The following PGBD5 variants were observed in gnomAD, a reference collection of about 807,000 sequenced individuals.
PGBD5 encodes piggyBac transposable element derived 5.
A neutral mutation model predicts 47.9 loss-of-function variants in PGBD5; 14 were observed. The observed-to-expected ratio is 0.29, with a 90% CI of 0.19 to 0.46. The LOEUF is 0.46. PGBD5 is among the 20% of genes least tolerant of loss of function. The probability of loss-of-function intolerance (pLI) is 1.00; values close to 1 mark genes in which losing one functional copy is unlikely to be tolerated. For missense variants in PGBD5, 635 were observed against 716.0 expected (o/e 0.89, Z 1.29); for synonymous variants, 316 against 306.3 (o/e 1.03, Z -0.33).
intron 1 of PGBD5, among the ~76,000 whole-genome samples, chr1:230,394,834 A>G (rs1367775994): frequency 3.3e-4 from 31 of 95,286 alleles, no homozygotes; most frequent in Non-Finnish European, 4.8e-4. Context: ...CCTATCCCCG[A>G]GCTCCTCTCT....
intron 3 of PGBD5, among the ~76,000 whole-genome samples, chr1:230,340,548 G>A (rs180845905): frequency 2.5e-4 from 38 of 152,204 alleles, no homozygotes; most frequent in Non-Finnish European, 4.1e-4. Flanking sequence ...GATATGCTGG[G>A]CTTTTAATGT....
At chr1:230,373,450 G>A (rs968462834) in intron 1 of PGBD5, among the ~76,000 whole-genome samples, 1 of 152,200 alleles carries the variant, frequency 6.6e-6, no homozygotes, top group Non-Finnish European at 1.5e-5. Context: ...TGAGGGGGAC[G>A]AGGGTGCCAA....
intron 4 of PGBD5, 69 bp downstream of exon 4, chr1:230,337,039 C>CT: frequency 2.6e-6 from 4 of 1,549,032 alleles, no homozygotes; most frequent in Non-Finnish European, 2.6e-6. Context: ...GCACCCCCAC[C>CT]TGGACCTCTC....
intron 1 of PGBD5, among the ~76,000 whole-genome samples, chr1:230,403,272 T>C (rs1445472892): frequency 6.6e-6 from 1 of 152,198 alleles, no homozygotes; most frequent in Non-Finnish European, 1.5e-5. Flanking sequence ...TAAACCTAAG[T>C]GTGAAATAAA....
intron 1 of PGBD5, among the ~76,000 whole-genome samples, chr1:230,378,371 G>A (rs1035489475): frequency 2.6e-5 from 4 of 152,182 alleles, no homozygotes; most frequent in Non-Finnish European, 4.4e-5. Context: ...GCCTCCTCCC[G>A]TCTTCCATCC....
chr1:230,332,760 G>A lies in PGBD5; in HGVS notation c.1273+84C>T, dbSNP rs1667240969. On this transcript the variant is annotated intron_variant, in intron 5 of 6. Coordinates refer to ENST00000391860, the MANE Select transcript of PGBD5 (RefSeq NM_001258311.2). Reference sequence around the variant, plus strand: ...CAGAGCAGCACAGCCCACAGTGGACGCCACATCCACCGCAGCGGTGGGCTC... The same window carrying A: ...CAGAGCAGCACAGCCCACAGTGGACACCACATCCACCGCAGCGGTGGGCTC... The A allele has an allele frequency of 4.7e-6, 7 of 1,503,552 alleles. 1 individual carries two copies. The highest frequency in any genetic ancestry group is 2.7e-5 in the African/African-American group (2 of 72,992). The allele number at this position is 1,503,552 out of a possible 1,614,324, so 93.1% of individuals were successfully genotyped here. A position where few individuals can be genotyped will look rare whatever the true frequency, so the allele number is the denominator to read the frequency against.
intron 5 of PGBD5, among the ~76,000 whole-genome samples, chr1:230,329,211 A>T (rs1160706096): frequency 6.6e-6 from 1 of 151,988 alleles, no homozygotes; most frequent in African/African-American, 2.4e-5. Flanking sequence ...TGATCCTCCC[A>T]ACTTGGCCTC....
At chr1:230,330,605 C>T (rs897114336) in intron 5 of PGBD5, among the ~76,000 whole-genome samples, 1 of 152,174 alleles carries the variant, frequency 6.6e-6, no homozygotes, top group Admixed American at 6.5e-5. Flanking sequence ...ACTTTACCTT[C>T]CCCCAGGCAA....
At chr1:230,373,139 T>C (rs1667953863) in intron 1 of PGBD5, among the ~76,000 whole-genome samples, 1 of 152,168 alleles carries the variant, frequency 6.6e-6, no homozygotes, top group African/African-American at 2.4e-5. Flanking sequence ...AGGGTTACAA[T>C]TCGTGCATTT....
intron 1 of PGBD5, among the ~76,000 whole-genome samples, chr1:230,400,664 T>C (rs199814809): frequency 1.8e-4 from 26 of 145,868 alleles, no homozygotes; most frequent in Middle Eastern, 7.3e-3. Context: ...TTTTCTTTCT[T>C]AGAAATGTTA....
chr1:230,323,906 G>A lies in PGBD5; in HGVS notation c.1380-286C>T, dbSNP rs924821957. 2.6e-5 allele frequency among the ~76,000 whole-genome samples: 4 copies of A among 152,210 alleles called. No individual in the cohort carries two copies. Among genetic ancestry groups the A allele is most frequent in the South Asian group, 2.1e-4 (1 of 4,826 alleles). ...GTGTGCTGGGGTGGCGCACAGCCCC[G>A]GAGTGGACAGGCGCCTGCCAGCCTC... On this transcript the variant is annotated intron_variant, in intron 6 of 6. Coordinates refer to ENST00000391860, the MANE Select transcript of PGBD5 (RefSeq NM_001258311.2). The surrounding 1 kb of genome is among the most constrained non-coding windows in gnomAD (Gnocchi z 4.1).
At chr1:230,376,034 C>T (rs1469532750) in intron 1 of PGBD5, among the ~76,000 whole-genome samples, 2 of 151,916 alleles carry the variant, frequency 1.3e-5, no homozygotes, top group Non-Finnish European at 2.9e-5. Context: ...CCTACTGTTG[C>T]TGCTGTTGTT....
intron 5 of PGBD5, among the ~76,000 whole-genome samples, chr1:230,330,563 A>G (rs1268867430): frequency 6.6e-6 from 1 of 152,226 alleles, no homozygotes; most frequent in Non-Finnish European, 1.5e-5. Flanking sequence ...TGTGAACCCC[A>G]AAACAGATTT....
chr1:230,366,299 G>A (rs1234976283), intron 1 of PGBD5, among the ~76,000 whole-genome samples: 2 of 152,118 alleles, frequency 1.3e-5, no homozygotes, highest in African/African-American at 4.8e-5. Context: ...ACATAGTGCT[G>A]TCTGTAGGGA....
intron 1 of PGBD5, among the ~76,000 whole-genome samples, chr1:230,371,980 G>A (rs2102718625): frequency 6.6e-6 from 1 of 152,254 alleles, no homozygotes; most frequent in Non-Finnish European, 1.5e-5. Flanking sequence ...GGAGGGGATG[G>A]GAATATAAAA....
intron 3 of PGBD5, among the ~76,000 whole-genome samples, chr1:230,340,449 AGTGTGTGTATAT>A (rs1210573853): frequency 1.3e-5 from 2 of 152,098 alleles, no homozygotes; most frequent in African/African-American, 2.4e-5. Flanking sequence ...AAACAGTGCA[AGTGTGTGTATAT>A]GTGTGTGTTT....
rs944663291 is a variant in PGBD5, at chr1:230,316,604, G to T, written c.*6821C>A. 2.0e-5 allele frequency: 3 copies of T among 151,122 alleles called. No homozygotes were observed. The highest frequency in any genetic ancestry group is 4.4e-5 in the Non-Finnish European group (3 of 67,792). The allele number at this position is 151,122 out of a possible 1,614,324, so 9.4% of individuals were successfully genotyped here. A position where few individuals can be genotyped will look rare whatever the true frequency, so the allele number is the denominator to read the frequency against. Reference sequence around the variant, plus strand: ...AAAAATCCTCATCTGCCCAATTATTGTTTTTTTTTCCTACCACGACTCTTG... The same window carrying T: ...AAAAATCCTCATCTGCCCAATTATTTTTTTTTTTTCCTACCACGACTCTTG... On this transcript the variant is annotated 3_prime_UTR_variant, in exon 7 of 7. Coordinates refer to ENST00000391860, the MANE Select transcript of PGBD5 (RefSeq NM_001258311.2).
chr1:230,374,963 C>T (rs1183776218), intron 1 of PGBD5, among the ~76,000 whole-genome samples: 1 of 152,210 alleles, frequency 6.6e-6, no homozygotes, highest in Non-Finnish European at 1.5e-5. Flanking sequence ...CTCCTTGAGC[C>T]TGCAGCCCTC....
intron 1 of PGBD5, among the ~76,000 whole-genome samples, chr1:230,410,564 A>AT (rs1425502047): frequency 1.3e-5 from 2 of 152,164 alleles, no homozygotes; most frequent in African/African-American, 4.8e-5. Context: ...AGAAATTAAG[A>AT]AACATATTCT....
Sources: allele counts gnomAD v4.1 joint callset (sites outside exome capture counted in the v4.1 genomes callset), GRCh38; gene constraint gnomAD v4.1.1; non-coding constraint Gnocchi (gnomAD v3.1); transcripts MANE v1.5; gene names NCBI Gene and HGNC (gene_info 2026-07-23, HGNC 2026-07-21).